Variants in SLC39A12 observed in about 807,000 individuals in gnomAD.
SLC39A12 encodes the protein zinc transporter ZIP12.
SLC39A12 carries 63 observed loss-of-function variants against 71.1 expected under a neutral mutation model. The ratio of observed to expected loss-of-function variants is 0.89; its 90% CI spans 0.72 to 1.09. The LOEUF is 1.09. Among genes scored for constraint, SLC39A12 ranks in the 50% least tolerant of loss-of-function variants. The pLI, the probability that SLC39A12 is intolerant of heterozygous loss-of-function variation, is 0.00. For missense variants in SLC39A12, 892 were observed against 812.6 expected, an observed-to-expected ratio of 1.10 and a Z score of -1.19; for synonymous variants, 351 against 301.3, an observed-to-expected ratio of 1.16 and a Z score of -1.71.
chr10:17,984,317 A>T (rs116982576), intron 6 of SLC39A12, among the ~76,000 whole-genome samples: 1 of 152,350 alleles, frequency 6.6e-6, no homozygotes, highest in Non-Finnish European at 1.5e-5. Context: ...AAGTTATGAA[A>T]CATTCATTGT....
chr10:17,986,860 C>G (rs1835411163), intron 6 of SLC39A12, among the ~76,000 whole-genome samples: 1 of 151,944 alleles, frequency 6.6e-6, no homozygotes, highest in South Asian at 2.1e-4. Flanking sequence ...AAAAGCTTAG[C>G]CAGGCCTGAT....
At chr10:17,988,837 C>A (rs1227579396) in intron 7 of SLC39A12, among the ~76,000 whole-genome samples, 1 of 152,182 alleles carries the variant, frequency 6.6e-6, no homozygotes, top group Non-Finnish European at 1.5e-5. Flanking sequence ...CACTGGCCTT[C>A]CTCCCTTTTC....
chr10:17,970,938 C>G (rs1438624080), intron 4 of SLC39A12, among the ~76,000 whole-genome samples: 1 of 151,788 alleles, frequency 6.6e-6, no homozygotes, highest in African/African-American at 2.4e-5. Context: ...AGCTCTGAGT[C>G]TAATATATAT....
At chr10:17,995,087 G>C (rs1489443265) in intron 9 of SLC39A12, among the ~76,000 whole-genome samples, 1 of 152,156 alleles carries the variant, frequency 6.6e-6, no homozygotes, top group Non-Finnish European at 1.5e-5. Flanking sequence ...AAAAATGTTT[G>C]AATCTATTAT....
intron 4 of SLC39A12, among the ~76,000 whole-genome samples, chr10:17,971,129 C>T (rs12266431): frequency 6.6e-6 from 1 of 151,998 alleles, no homozygotes; most frequent in Non-Finnish European, 1.5e-5. Context: ...GTTGAACCAA[C>T]CTTGCATCCT....
chr10:17,967,737 A>T (rs1196234657), intron 4 of SLC39A12, among the ~76,000 whole-genome samples: 4 of 151,482 alleles, frequency 2.6e-5, no homozygotes, highest in Non-Finnish European at 5.9e-5. Context: ...ACAAAAAAAA[A>T]TAAGCCAGGC....
At position 18,043,257 on chromosome 10, in the gene SLC39A12, C is replaced by T. The variant is rs1235891052; in HGVS notation, c.*424C>T. 6.5e-6 allele frequency: 1 copy of T among 153,126 alleles called. No individual in the cohort carries two copies. Among genetic ancestry groups the T allele is most frequent in the Non-Finnish European group, 1.5e-5 (1 of 68,494 alleles). 9.5% of individuals were successfully genotyped at this position (153,126 alleles called of 1,614,324 possible). On this transcript the variant is annotated 3_prime_UTR_variant, in exon 13 of 13. Coordinates refer to ENST00000377369, the MANE Select transcript of SLC39A12 (RefSeq NM_001145195.2). ...TATAAACTATAAGCAAGTTAAGTGA[C>T]AAGCAAATGTAATAAAGACTAGTTT...
At chr10:18,036,786 A>ATTTTTTTTTTTTTTTTT (rs1407183255) in intron 12 of SLC39A12, among the ~76,000 whole-genome samples, 1 of 9,446 alleles carries the variant, frequency 1.1e-4, no homozygotes, top group Non-Finnish European at 2.6e-4. Context: ...ATATATATAT[A>ATTTTTTTTTTTTTTTTT]TATATATATT....
intron 1 of SLC39A12, among the ~76,000 whole-genome samples, chr10:17,952,491 CTT>C (rs11288880): frequency 3.1e-4 from 40 of 128,552 alleles, no homozygotes; most frequent in South Asian, 7.4e-4. Flanking sequence ...TTTCTTTTTT[CTT>C]TTTTTTTTTT....
chr10:17,991,119 C>G (rs11011933), intron 7 of SLC39A12, 32 bp from the exon 8 acceptor site: 1 of 1,376,368 alleles, frequency 7.3e-7, no homozygotes, highest in Non-Finnish European at 9.8e-7. Context: ...CCATCTTTCT[C>G]TCTGCCTTTT....
At position 17,963,959 on chromosome 10, in the gene SLC39A12, A is replaced by G. The variant is rs561589763; in HGVS notation, c.544-1524A>G. ...TTTTGTCCAAACCTCTCTGTGTTTT[A>G]TCTTCCTGACTCAATCTCTCAATGT... On this transcript the variant is annotated intron_variant, in intron 3 of 12. Coordinates refer to ENST00000377369, the MANE Select transcript of SLC39A12 (RefSeq NM_001145195.2). 1.2e-3 allele frequency among the ~76,000 whole-genome samples: 187 copies of G among 152,214 alleles called. No homozygotes were observed. The South Asian group carries it at 0.013, about 11-fold the overall frequency.
intron 4 of SLC39A12, among the ~76,000 whole-genome samples, chr10:17,976,588 T>TTA (rs199684895): frequency 1.3e-5 from 2 of 152,104 alleles, no homozygotes; most frequent in East Asian, 1.9e-4. Context: ...TGGCTAATTT[T>TTA]TATATATATA....
intron 10 of SLC39A12, among the ~76,000 whole-genome samples, chr10:17,997,541 A>C (rs1441694631): frequency 1.3e-5 from 2 of 152,178 alleles, no homozygotes; most frequent in African/African-American, 4.8e-5. Context: ...TGCCCAGTCA[A>C]ATCAGGAGCT....
chr10:18,000,082 C>T (rs1250388407), intron 10 of SLC39A12, among the ~76,000 whole-genome samples: 2 of 152,128 alleles, frequency 1.3e-5, no homozygotes, highest in East Asian at 1.9e-4. Flanking sequence ...GCCTAGAAGT[C>T]CAAGATGAAG....
intron 6 of SLC39A12, 101 bp from the exon 7 acceptor site, chr10:17,987,377 CT>C: frequency 2.0e-6 from 2 of 981,522 alleles, no homozygotes; most frequent in Non-Finnish European, 3.1e-6. Context: ...CATATCCCTA[CT>C]GGCTGTTACT....
At chr10:18,003,075 C>T (rs1456665809) in intron 11 of SLC39A12, 96 bp from the exon 12 acceptor site, 5 of 1,100,690 alleles carry the variant, frequency 4.5e-6, no homozygotes, top group Non-Finnish European at 6.5e-6. Context: ...AAATTGGTTC[C>T]AGTGCTGACA....
chr10:18,019,635 A>G (rs1282975201), intron 12 of SLC39A12, among the ~76,000 whole-genome samples: 1 of 151,792 alleles, frequency 6.6e-6, no homozygotes, highest in African/African-American at 2.4e-5. Flanking sequence ...AAACTTTTTT[A>G]GTTTCTCTTG....
At position 18,001,606 on chromosome 10, in the gene SLC39A12, A is replaced by G. The variant is rs1169350008; in HGVS notation, c.1759+781A>G. Among the ~76,000 whole-genome samples the G allele has an allele frequency of 3.9e-5, 6 of 152,236 alleles. No homozygotes were observed. In the East Asian group the frequency reaches 9.6e-4, roughly 24 times the overall value. ...GTTTAAAGCCAAGCCTAGCATTGAAATGACAGGTGTGTGGTGGCAGATTCT... is the reference window on the plus strand; with the variant it reads ...GTTTAAAGCCAAGCCTAGCATTGAAGTGACAGGTGTGTGGTGGCAGATTCT... On this transcript the variant is annotated intron_variant, in intron 11 of 12. Transcript: ENST00000377369.
At chr10:18,011,062 C>T (rs1836204754) in intron 12 of SLC39A12, among the ~76,000 whole-genome samples, 1 of 152,066 alleles carries the variant, frequency 6.6e-6, no homozygotes, top group Non-Finnish European at 1.5e-5. Flanking sequence ...CCAGGCGCCC[C>T]CTCCAGGTAT....
Sources: gnomAD v4.1 joint callset for allele counts (sites outside exome capture counted in the v4.1 genomes callset) on GRCh38, gnomAD v4.1.1 for gene constraint, MANE v1.5 for transcripts, NCBI Gene and HGNC (gene_info 2026-07-23, HGNC 2026-07-21) for gene names.